The following CSF1R variants were observed in gnomAD, a reference collection of about 807,000 sequenced individuals.
The protein encoded by CSF1R is colony stimulating factor 1 receptor, also known as macrophage colony-stimulating factor 1 receptor.
In CSF1R, 40 loss-of-function variants were observed where a neutral mutation model predicts 110.0. That is an observed-to-expected ratio of 0.36 (90% confidence interval 0.28 to 0.47). The LOEUF (loss-of-function observed/expected upper bound fraction) is 0.47, where lower values mean the gene tolerates loss of function less well. CSF1R is among the 20% of genes least tolerant of loss of function. The pLI is 0.99. For synonymous variants in CSF1R, 523 were observed against 503.4 expected (o/e 1.04, Z -0.52); for missense variants, 1,052 against 1,253.0 (o/e 0.84, Z 2.42).
At chr5:150,066,362 A>C (rs1757771761) in intron 10 of CSF1R, among the ~76,000 whole-genome samples, 1 of 152,200 alleles carries the variant, frequency 6.6e-6, no homozygotes, top group Admixed American at 6.5e-5. Flanking sequence ...TCATCATCCC[A>C]TAGCCAGAGC....
chr5:150,094,078 AAG>A lies in CSF1R; in HGVS notation c.-180-7473_-180-7472del, dbSNP rs1491351233. Among the ~76,000 whole-genome samples, 10 of 151,788 alleles carry A rather than the reference AAG, an allele frequency of 6.6e-5. 1 individual carries two copies. Among genetic ancestry groups the A allele is most frequent in the Admixed American group, 6.6e-4 (10 of 15,258 alleles). ...AATTCCATCTCAAAAAAAAAAAAAA[AAG>A]TACAATTATTATGTGTCAATCAAAA... On this transcript the variant is annotated intron_variant, in intron 1 of 21. Coordinates refer to the CSF1R transcript ENST00000286301.
intron 10 of CSF1R, among the ~76,000 whole-genome samples, chr5:150,062,982 A>G (rs1330143212): frequency 6.6e-6 from 1 of 151,964 alleles, no homozygotes; most frequent in African/African-American, 2.4e-5. Context: ...AGAAACAGGA[A>G]GGCCTTGAGG....
chr5:150,061,342 A>G, intron 12 of CSF1R, 149 bp downstream of exon 12: 1 of 693,088 alleles, frequency 1.4e-6, no homozygotes. Context: ...CCTGGAGCTC[A>G]CAAGAAAACC....
intron 1 of CSF1R, among the ~76,000 whole-genome samples, chr5:150,096,747 G>C (rs961584835): frequency 6.6e-6 from 1 of 152,180 alleles, no homozygotes; most frequent in African/African-American, 2.4e-5. Context: ...CTTCTTAATA[G>C]CTGCAGAATA....
At chr5:150,062,024 A>G (rs1166125617) in intron 10 of CSF1R, among the ~76,000 whole-genome samples, 175 bp from the exon 11 acceptor site, 1 of 152,130 alleles carries the variant, frequency 6.6e-6, no homozygotes, top group Non-Finnish European at 1.5e-5. Flanking sequence ...CACTGAGAGC[A>G]TGTTCCTGCT....
Position 150,055,335 on chromosome 5 carries a change from C to T in CSF1R, c.2556G>A (p.Gly852=), listed in dbSNP as rs1757157147. 1 of 1,614,038 alleles carries T rather than the reference C, an allele frequency of 6.2e-7. No homozygotes were observed. The highest frequency in any genetic ancestry group is 1.3e-5 in the African/African-American group (1 of 75,044). The stretch of plus-strand genomic sequence containing the variant: ...CCAGGATGCCAGGGTAGGGATTCAG[C>T]CCTGCAAAGGCCAAGATCAGGTAAG... ...GILLWEIFSL[G]LNPYPGILVN... The change falls in exon 19 of 21, where the codon GGG becomes GGA. Residue 852 remains glycine (G), a splice_region_variant and synonymous_variant. Coordinates refer to ENST00000675795, the MANE Select transcript of CSF1R (RefSeq NM_001288705.3).
At chr5:150,066,728 C>A (rs1177849861) in intron 10 of CSF1R, among the ~76,000 whole-genome samples, 1 of 152,138 alleles carries the variant, frequency 6.6e-6, no homozygotes, top group African/African-American at 2.4e-5. Flanking sequence ...CACAAAAGCC[C>A]CAAGGGGGTG....
At chr5:150,108,489 G>T (rs918375041) in intron 1 of CSF1R, among the ~76,000 whole-genome samples, 1 of 152,164 alleles carries the variant, frequency 6.6e-6, no homozygotes, top group Non-Finnish European at 1.5e-5. Context: ...AAGGAGTCTC[G>T]ACTTTGCTGG....
At chr5:150,060,686 C>T (rs1489394061) in intron 13 of CSF1R, among the ~76,000 whole-genome samples, 176 bp downstream of exon 13, 1 of 152,202 alleles carries the variant, frequency 6.6e-6, no homozygotes, top group African/African-American at 2.4e-5. Flanking sequence ...GCCCGTGCAG[C>T]TCCTGACTAT....
chr5:150,108,930 C>T (rs1318031668), intron 1 of CSF1R, among the ~76,000 whole-genome samples: 2 of 152,116 alleles, frequency 1.3e-5, no homozygotes, highest in Non-Finnish European at 2.9e-5. Flanking sequence ...TGTGATGTCC[C>T]CAGGTCCCTG....
At position 150,053,831 on chromosome 5, in the gene CSF1R, G is replaced by A. The variant is rs1757040652; in HGVS notation, c.*238C>T. The stretch of plus-strand genomic sequence containing the variant: ...CGAGGCCAACACCATGAGAACAGTA[G>A]GGGAGGGGGGGGTGAGGGCTCAGCC... On this transcript the variant is annotated 3_prime_UTR_variant, in exon 21 of 21. Transcript: ENST00000675795. 1.9e-6 allele frequency: 1 copy of A among 534,820 alleles called. No homozygotes were observed. The highest frequency in any genetic ancestry group is 3.3e-6 in the Non-Finnish European group (1 of 301,096). The allele number at this position is 534,820 out of a possible 1,614,324, so 33.1% of individuals were successfully genotyped here.
At chr5:150,093,590 AAAG>A (rs1361830732) in intron 1 of CSF1R, among the ~76,000 whole-genome samples, 1 of 152,246 alleles carries the variant, frequency 6.6e-6, no homozygotes, top group Non-Finnish European at 1.5e-5. Context: ...AGATGGAAAG[AAAG>A]AAGACCAGAT....
At chr5:150,099,762 AT>A (rs990847675) in intron 1 of CSF1R, among the ~76,000 whole-genome samples, 6 of 151,872 alleles carry the variant, frequency 4.0e-5, no homozygotes, top group African/African-American at 1.5e-4. Flanking sequence ...GGGTTGGGGA[AT>A]TTTTTGGTGA....
At chr5:150,087,403 A>C (rs1285143093), upstream of CSF1R, among the ~76,000 whole-genome samples, 1 of 152,218 alleles carries the variant, frequency 6.6e-6, no homozygotes, top group Admixed American at 6.5e-5. Flanking sequence ...AACTTTATGT[A>C]GGTAAGTACT....
intron 6 of CSF1R, 101 bp downstream of exon 6, chr5:150,073,200 T>C: frequency 3.3e-6 from 4 of 1,197,790 alleles, no homozygotes; most frequent in Non-Finnish European, 4.8e-6. Flanking sequence ...TTGCTCAAGG[T>C]CATACACCAA....
rs1392351695 is a variant in CSF1R, at chr5:150,054,054, C to G, written c.*15G>C. On this transcript the variant is annotated 3_prime_UTR_variant, in exon 21 of 21. Coordinates refer to ENST00000675795, the MANE Select transcript of CSF1R (RefSeq NM_001288705.3). ...TTTGTGGGAGGGGAGAGTGGTACTC[C>G]CTGTCGTCAACTCCTCAGCAGAACT... The G allele has an allele frequency of 6.2e-7, 1 of 1,613,534 alleles. No homozygotes were observed. Among genetic ancestry groups the G allele is most frequent in the Admixed American group, 1.7e-5 (1 of 59,984 alleles).
Position 150,054,235 on chromosome 5 carries a change from G to C in CSF1R, c.2764-11C>G. ...CAGATTGGTATAGTCCTGAGGGTGGGAGGGACCAGAAACTGTCAGTCCAGA... is the reference window on the plus strand; with the variant it reads ...CAGATTGGTATAGTCCTGAGGGTGGCAGGGACCAGAAACTGTCAGTCCAGA... On this transcript the variant is annotated splice_polypyrimidine_tract_variant and intron_variant, in intron 20 of 20. Transcript: ENST00000675795. 2 of 1,612,648 alleles carry C rather than the reference G, an allele frequency of 1.2e-6. No individual in the cohort carries two copies. Among genetic ancestry groups the C allele is most frequent in the Non-Finnish European group, 1.7e-6 (2 of 1,179,330 alleles).
Position 150,057,533 on chromosome 5 carries a change from G to T in CSF1R, c.2192C>A (p.Thr731Asn), listed in dbSNP as rs774848316. 13 of 1,614,232 alleles carry T rather than the reference G, an allele frequency of 8.1e-6. No individual in the cohort carries two copies. Among genetic ancestry groups the T allele is most frequent in the Non-Finnish European group, 1.0e-5 (12 of 1,180,032 alleles). Residue 731 changes from threonine to asparagine, a missense_variant, in exon 15 of 21, where the codon ACT becomes AAT. Thr to Asn is a moderately conservative substitution (Grantham distance 65, BLOSUM62 0). Transcript: ENST00000675795. Reference protein sequence around the residue: ...DTYVEMRPVSTSSNDSFSEQD... With the variant: ...DTYVEMRPVSNSSNDSFSEQD... ...CTCAGAGAAGGAGTCATTTGAAGAA[G>T]TGGAGACAGGCCTCATCTCCACATA...
chr5:150,072,559 A>G (rs898314365), intron 6 of CSF1R, among the ~76,000 whole-genome samples: 2 of 152,224 alleles, frequency 1.3e-5, no homozygotes, highest in African/African-American at 2.4e-5. Flanking sequence ...TATACCTGGT[A>G]TGAGTGTTCC....
Sources: allele counts gnomAD v4.1 joint callset (sites outside exome capture counted in the v4.1 genomes callset), GRCh38; gene constraint gnomAD v4.1.1; transcripts MANE v1.5; gene names NCBI Gene and HGNC (gene_info 2026-07-23, HGNC 2026-07-21).